CFAP47: variants seen among roughly 807,000 people sequenced by gnomAD.
CFAP47 encodes the protein cilia- and flagella-associated protein 47.
Under a neutral mutation model 148.1 loss-of-function variants are expected in CFAP47, and 29 were observed. The observed-to-expected ratio is 0.20, with a 90% CI of 0.15 to 0.27. CFAP47 has a LOEUF of 0.27. CFAP47 is among the 10% of genes least tolerant of loss of function. The pLI, the probability that CFAP47 is intolerant of heterozygous loss-of-function variation, is 1.00. For missense variants in CFAP47, 1,872 were observed against 1,697.5 expected (o/e 1.10, Z -1.81); for synonymous variants, 664 against 577.3 (o/e 1.15, Z -2.15).
chrX:36,175,564 A>G (rs1003476532), intron 39 of CFAP47, among the ~76,000 whole-genome samples: 2 of 111,721 alleles, frequency 1.8e-5, no homozygotes, highest in Non-Finnish European at 1.9e-5. Flanking sequence ...GGCCGTGTGA[A>G]GTGTCAGTCT....
At chrX:36,380,637 G>T (rs945844277) in intron 63 of CFAP47, among the ~76,000 whole-genome samples, 33 of 111,383 alleles carry the variant, frequency 3.0e-4, no homozygotes, top group South Asian at 7.5e-4. Flanking sequence ...TAGAGATGTG[G>T]TTTCACCATG....
intron 52 of CFAP47, among the ~76,000 whole-genome samples, chrX:36,300,409 C>A (rs1357923920): frequency 9.1e-6 from 1 of 109,891 alleles, no homozygotes; most frequent in Admixed American, 9.7e-5. Context: ...CCTGCCTCAG[C>A]CTCCCAAATA....
chrX:36,115,470 G>A (rs1938623928), intron 33 of CFAP47, among the ~76,000 whole-genome samples: 1 of 111,227 alleles, frequency 9.0e-6, no homozygotes, highest in Non-Finnish European at 1.9e-5. Context: ...AATATTGTTT[G>A]GCAAGGTACT....
intron 49 of CFAP47, among the ~76,000 whole-genome samples, chrX:36,276,966 A>C (rs1238041059): frequency 9.0e-6 from 1 of 111,534 alleles, no homozygotes; most frequent in African/African-American, 3.3e-5. Context: ...GGGAGTTGGG[A>C]GGAGAAATCT....
chrX:36,019,353 A>G (rs1313768050), intron 22 of CFAP47, among the ~76,000 whole-genome samples: 2 of 111,907 alleles, frequency 1.8e-5, no homozygotes, highest in Non-Finnish European at 3.8e-5. Flanking sequence ...AGCAAACACG[A>G]TTTGCAGGTA....
chrX:36,345,757 C>G (rs1003295830), intron 57 of CFAP47, among the ~76,000 whole-genome samples: 4 of 111,692 alleles, frequency 3.6e-5, no homozygotes, highest in African/African-American at 1.3e-4. Context: ...TATAAAAATA[C>G]TTAGCACGGA....
chrX:36,270,433 C>T (rs1334928487), intron 49 of CFAP47, among the ~76,000 whole-genome samples: 1 of 109,237 alleles, frequency 9.2e-6, no homozygotes, highest in Non-Finnish European at 1.9e-5. Flanking sequence ...AGCATCTTTA[C>T]ATGTCTTTAT....
intron 26 of CFAP47, among the ~76,000 whole-genome samples, chrX:36,065,034 AGACTGATATATAAGAGATT>A (rs1300637499): frequency 8.9e-6 from 1 of 112,201 alleles, no homozygotes; most frequent in Admixed American, 9.5e-5. Flanking sequence ...TAAATAAATG[AGACTGATATATAAGAGATT>A]TGGAGACCTG....
intron 45 of CFAP47, among the ~76,000 whole-genome samples, chrX:36,209,014 A>T (rs782483462): frequency 8.9e-6 from 1 of 112,225 alleles, no homozygotes; most frequent in East Asian, 2.8e-4. Flanking sequence ...CTTATGAAAC[A>T]TACTTTGTAA....
At chrX:36,143,019 G>A (rs752687118) in intron 35 of CFAP47, among the ~76,000 whole-genome samples, 4 of 111,324 alleles carry the variant, frequency 3.6e-5, no homozygotes, top group Non-Finnish European at 7.6e-5. Flanking sequence ...ATTAAACTCT[G>A]CATTTTTTTA....
chrX:36,128,543 T>G (rs186088765), intron 33 of CFAP47, among the ~76,000 whole-genome samples: 160 of 111,334 alleles, frequency 1.4e-3, no homozygotes, highest in African/African-American at 4.7e-3. Context: ...GATATGAAGA[T>G]GCTTTTTAGA....
chrX:36,079,319 A>G lies in CFAP47; in HGVS notation c.4691+5955A>G, dbSNP rs186072188. Among the ~76,000 whole-genome samples, 45 of 111,954 alleles carry G rather than the reference A, an allele frequency of 4.0e-4. No homozygotes were observed. The East Asian group carries it at 0.013, about 32-fold the overall frequency. On this transcript the variant is annotated intron_variant, in intron 29 of 63. Transcript: ENST00000378653. The stretch of plus-strand genomic sequence containing the variant: ...CCGTCACTTTCAGGTACAGCAGTCA[A>G]ACATAGATTTGGTCTTTTCACATAA...
chrX:35,923,805 C>G (rs567429588), intron 1 of CFAP47, among the ~76,000 whole-genome samples: 1 of 98,784 alleles, frequency 1.0e-5, no homozygotes, highest in African/African-American at 3.8e-5. Context: ...GGCGACAGAA[C>G]GAGAATCCGT....
intron 29 of CFAP47, among the ~76,000 whole-genome samples, chrX:36,077,610 A>G (rs1443243218): frequency 9.0e-6 from 1 of 111,089 alleles, no homozygotes; most frequent in Non-Finnish European, 1.9e-5. Flanking sequence ...ATTTTCATAC[A>G]TTGATTTTGT....
intron 15 of CFAP47, among the ~76,000 whole-genome samples, chrX:35,987,917 C>T (rs1413362120): frequency 9.0e-6 from 1 of 111,381 alleles, no homozygotes; most frequent in East Asian, 2.9e-4. Flanking sequence ...CCTGCTTCGG[C>T]TTGCCTTCTG....
Position 36,366,976 on chromosome X carries a change from A to G in CFAP47, c.9034A>G (p.Thr3012Ala). 1 of 1,136,481 alleles carries G rather than the reference A, an allele frequency of 8.8e-7. No individual in the cohort carries two copies. Among genetic ancestry groups the G allele is most frequent in the Non-Finnish European group, 1.2e-6 (1 of 856,335 alleles). 93.7% of individuals were successfully genotyped at this position (1,136,481 alleles called of 1,213,427 possible). ...TPKKPLRSHI[T>A]LKIECVTEGI... ...CCTTTTATATTCAAGGTCTCACATA[A>G]CACTGAAAATAGAGTGCGTAACAGA... Residue 3012 changes from threonine to alanine, a missense_variant, in exon 62 of 64, where the codon ACA becomes GCA. By Grantham distance (58) the Thr-to-Ala change is moderately conservative (BLOSUM62 0). Transcript: ENST00000378653.
At chrX:36,159,995 G>A (rs1939410633) in intron 38 of CFAP47, among the ~76,000 whole-genome samples, 1 of 111,914 alleles carries the variant, frequency 8.9e-6, no homozygotes, top group African/African-American at 3.2e-5. Context: ...TTGACTTTTT[G>A]TAGCCATTAT....
chrX:36,357,265 A>C (rs1396646544), intron 60 of CFAP47, among the ~76,000 whole-genome samples: 1 of 111,914 alleles, frequency 8.9e-6, no homozygotes, highest in Non-Finnish European at 1.9e-5. Flanking sequence ...TTGAGAGTGA[A>C]TAGGCCTCTT....
chrX:35,933,352 A>G (rs967945999), intron 2 of CFAP47, among the ~76,000 whole-genome samples: 3 of 111,193 alleles, frequency 2.7e-5, no homozygotes, highest in Non-Finnish European at 5.6e-5. Context: ...GGCTTATTTC[A>G]CTTAACATAA....
Sources: allele counts gnomAD v4.1 joint callset (sites outside exome capture counted in the v4.1 genomes callset), GRCh38; gene constraint gnomAD v4.1.1; transcripts MANE v1.5; gene names NCBI Gene and HGNC (gene_info 2026-07-23, HGNC 2026-07-21).